The following CCDC40 variants were observed in gnomAD, a reference collection of about 807,000 sequenced individuals.
CCDC40 encodes the protein coiled-coil domain 40 molecular ruler complex subunit.
Under a neutral mutation model 124.5 loss-of-function variants are expected in CCDC40, and 104 were observed. That is an observed-to-expected ratio of 0.84 (90% CI 0.71 to 0.98). The LOEUF (loss-of-function observed/expected upper bound fraction) is 0.98. CCDC40 is among the 50% of genes least tolerant of loss of function. The probability of loss-of-function intolerance (pLI) is 0.00; values close to 1 mark genes in which losing one functional copy is unlikely to be tolerated. For missense variants in CCDC40, 1,463 were observed against 1,503.9 expected (o/e 0.97, Z 0.45); for synonymous variants, 580 against 602.9 (o/e 0.96, Z 0.56).
Position 80,088,033 on chromosome 17 carries a change from A to G in CCDC40, c.2642A>G (p.Lys881Arg), listed in dbSNP as rs953999517. 11 of 1,613,888 alleles carry G rather than the reference A, an allele frequency of 6.8e-6. No homozygotes were observed. The highest frequency in any genetic ancestry group is 8.5e-6 in the Non-Finnish European group (10 of 1,179,880). The change falls in exon 16 of 20, where the codon AAG becomes AGG. Residue 881 changes from lysine (K) to arginine (R), a missense_variant. Lys to Arg is a conservative substitution (Grantham distance 26). Coordinates refer to ENST00000397545, the MANE Select transcript of CCDC40 (RefSeq NM_017950.4). Reference sequence around the variant, plus strand: ...CAGGCCTCTGAGAGGGAGACCATCAAGATGCAGGACAAGCTGAACCAGCTC... The same window carrying G: ...CAGGCCTCTGAGAGGGAGACCATCAGGATGCAGGACAAGCTGAACCAGCTC... The part of the protein sequence containing the change: ...SLKASERETI[K>R]MQDKLNQLSE...
intron 1 of CCDC40, 39 bp downstream of exon 1, chr17:80,036,730 A>C (rs2037068571): frequency 6.8e-7 from 1 of 1,459,902 alleles, no homozygotes; most frequent in Non-Finnish European, 9.0e-7. Flanking sequence ...TGGAGTCGCC[A>C]GGCCGCGCTC....
intron 19 of CCDC40, 111 bp downstream of exon 19, chr17:80,097,514 G>A: frequency 8.7e-7 from 1 of 1,143,456 alleles, no homozygotes; most frequent in Non-Finnish European, 1.3e-6. Context: ...TCAGGTCACG[G>A]CCTCTCCTGA....
intron 10 of CCDC40, among the ~76,000 whole-genome samples, chr17:80,081,189 C>G (rs1354545345): frequency 6.6e-6 from 1 of 152,046 alleles, no homozygotes; most frequent in Non-Finnish European, 1.5e-5. Flanking sequence ...TGGAGACCAG[C>G]CTGGGCAACA....
intron 13 of CCDC40, among the ~76,000 whole-genome samples, chr17:80,085,666 C>CTTTT (rs5822324): frequency 3.6e-5 from 4 of 109,994 alleles, no homozygotes; most frequent in East Asian, 5.0e-4. Context: ...GCTAATTTTG[C>CTTTT]TTTTTTTTTT....
chr17:80,070,316 C>T (rs559897886), intron 10 of CCDC40, among the ~76,000 whole-genome samples: 3 of 152,254 alleles, frequency 2.0e-5, no homozygotes, highest in Non-Finnish European at 2.9e-5. Context: ...CCCCCATGGG[C>T]GGGCATAGTG....
chr17:80,052,109 A>G (rs1481387837), intron 7 of CCDC40, among the ~76,000 whole-genome samples: 1 of 152,226 alleles, frequency 6.6e-6, no homozygotes, highest in African/African-American at 2.4e-5. Flanking sequence ...CCCTGGAGAA[A>G]GCCCACGGTC....
chr17:80,087,624 A>G lies in CCDC40; in HGVS notation c.2467A>G (p.Lys823Glu). The change falls in exon 15 of 20, where the codon AAG becomes GAG. Residue 823 changes from lysine to glutamate, a missense_variant. Coordinates refer to ENST00000397545, the MANE Select transcript of CCDC40 (RefSeq NM_017950.4). This position sits in a 1 kb window ranked among gnomAD's most constrained non-coding sequence, Gnocchi z 4.5. ...TGCCATAGGCAAGATTGAGCAGGAG[A>G]AGAAGGAGCAGAAGGAGATCGAGCA... ...LRVESKIEQE[K>E]KEQKEIEHHM... 1 of 1,614,036 alleles carries G rather than the reference A, an allele frequency of 6.2e-7. No homozygotes were observed. The highest frequency in any genetic ancestry group is 8.5e-7 in the Non-Finnish European group (1 of 1,179,948).
chr17:80,061,428 A>G (rs565219721), intron 9 of CCDC40, among the ~76,000 whole-genome samples: 1 of 150,648 alleles, frequency 6.6e-6, no homozygotes, highest in Admixed American at 6.6e-5. Flanking sequence ...CACAAACCAG[A>G]TGAAGGCGGG....
In CCDC40 at chr17:80,086,534, T is replaced by C. The variant is rs2143750220; in HGVS notation, c.2449+318T>C. The C allele has an allele frequency of 5.6e-6, 2 of 357,434 alleles. No individual in the cohort carries two copies. Among genetic ancestry groups the C allele is most frequent in the South Asian group, 4.6e-5 (2 of 43,138 alleles). The allele number at this position is 357,434 out of a possible 1,614,324, so 22.1% of individuals were successfully genotyped here. The stretch of plus-strand genomic sequence containing the variant: ...AGCCAGGGCACTCAGGTGGAAACAC[T>C]GGCACGGGAAAAGCCAGGGTCCTGC... On this transcript the variant is annotated intron_variant, in intron 14 of 19. Transcript: ENST00000397545. This position sits in a 1 kb window ranked among gnomAD's most constrained non-coding sequence, Gnocchi z 5.5.
rs188163104 is a variant in CCDC40, at chr17:80,056,649, C to G, written c.1160-1845C>G. Among the ~76,000 whole-genome samples the G allele has an allele frequency of 4.4e-3, 675 of 152,076 alleles. 4 individuals carry two copies. The highest frequency in any genetic ancestry group is 0.017 in the South Asian group (83 of 4,820). On this transcript the variant is annotated intron_variant, in intron 7 of 19. Transcript: ENST00000397545. Reference sequence around the variant, plus strand: ...AAGAACAACAACACTTTATTCTCAACAAATTGATTTTAAAGTTCATTTAGA... The same window carrying G: ...AAGAACAACAACACTTTATTCTCAAGAAATTGATTTTAAAGTTCATTTAGA...
At chr17:80,065,999 A>G in intron 10 of CCDC40, 2 of 665,370 alleles carry the variant, frequency 3.0e-6, no homozygotes, top group Middle Eastern at 2.4e-4. Flanking sequence ...CCGAAATCCT[A>G]TTTTAATCTC....
At chr17:80,042,862 GTT>G (rs11308447) in intron 3 of CCDC40, among the ~76,000 whole-genome samples, 2,219 of 146,826 alleles carry the variant, frequency 0.015, 29 homozygotes, top group Middle Eastern at 0.054. Flanking sequence ...TTGTTGGGTT[GTT>G]TTTTTTTTTT....
intron 18 of CCDC40, among the ~76,000 whole-genome samples, chr17:80,096,201 C>T (rs866138707): frequency 6.6e-6 from 1 of 152,200 alleles, no homozygotes; most frequent in African/African-American, 2.4e-5. Context: ...GCCTTGGGGA[C>T]AGCTGACAGC....
In CCDC40 at chr17:80,036,774, C is replaced by G. The variant is rs541624280; in HGVS notation, c.29+83C>G. The G allele has an allele frequency of 2.2e-4, 291 of 1,328,132 alleles. 1 individual carries two copies. The African/African-American group carries it at 4.0e-3, about 18-fold the overall frequency. The allele number at this position is 1,328,132 out of a possible 1,614,324, so 82.3% of individuals were successfully genotyped here. ...CCGCTCCAGGTGGCCCCCGCGTCGG[C>G]TCCTGCCTCGCCCCTTCGCCTCCAC... On this transcript the variant is annotated intron_variant, in intron 1 of 19. Coordinates refer to ENST00000397545, the MANE Select transcript of CCDC40 (RefSeq NM_017950.4).
rs1353073416 is a variant in CCDC40, at chr17:80,089,785, G to GA, written c.2740dup (p.Ile914AsnfsTer84). 2.5e-6 allele frequency: 4 copies of GA among 1,614,112 alleles called. No individual in the cohort carries two copies. The highest frequency in any genetic ancestry group is 2.7e-5 in the African/African-American group (2 of 74,948). ...AAAGACACCAGATTATGCTTTGGGA[G>GA]AAAAAAATCCAACTGGCAAAAGAGA... On this transcript the variant is annotated frameshift_variant, in exon 17 of 20. Transcript: ENST00000397545. LOFTEE classifies it high-confidence loss of function.
At chr17:80,044,704 A>ATATATATATATATATATATATATATAT (rs1485851817) in intron 3 of CCDC40, among the ~76,000 whole-genome samples, 3 of 37,222 alleles carry the variant, frequency 8.1e-5, no homozygotes, top group Non-Finnish European at 1.3e-4. Context: ...AAAACAAACA[A>ATATATATATATATATATATATATATAT]ACAAAAAAAA....
At chr17:80,073,789 G>A (rs2038248845) in intron 10 of CCDC40, among the ~76,000 whole-genome samples, 1 of 152,054 alleles carries the variant, frequency 6.6e-6, no homozygotes, top group Admixed American at 6.6e-5. Flanking sequence ...TCTACCTCCC[G>A]GGTTCAAGCG....
At chr17:80,062,146 G>A (rs1471568330) in intron 9 of CCDC40, among the ~76,000 whole-genome samples, 1 of 151,822 alleles carries the variant, frequency 6.6e-6, no homozygotes, top group African/African-American at 2.4e-5. Context: ...GACTCATGGG[G>A]GAGATGACGC....
intron 12 of CCDC40, among the ~76,000 whole-genome samples, chr17:80,082,812 T>TA (rs1055381166): frequency 5.9e-5 from 9 of 152,244 alleles, no homozygotes; most frequent in Admixed American, 5.9e-4. Context: ...CGATAGGTCA[T>TA]ACGTGTTTTG....
Sources: allele counts gnomAD v4.1 joint callset (sites outside exome capture counted in the v4.1 genomes callset), GRCh38; gene constraint gnomAD v4.1.1; non-coding constraint Gnocchi (gnomAD v3.1); transcripts MANE v1.5; gene names NCBI Gene and HGNC (gene_info 2026-07-23, HGNC 2026-07-21).